The following DACH2 variants were observed in gnomAD, a reference collection of about 807,000 sequenced individuals.
DACH2 encodes the protein dachshund family transcription factor 2.
DACH2 carries 17 observed loss-of-function variants against 35.8 expected under a neutral mutation model. The observed-to-expected ratio is 0.48, with a 90% CI of 0.33 to 0.71. The LOEUF (loss-of-function observed/expected upper bound fraction) is 0.71. DACH2 is among the 30% of genes least tolerant of loss of function. The probability of loss-of-function intolerance (pLI) is 0.02; values close to 1 mark genes in which losing one functional copy is unlikely to be tolerated. For synonymous variants in DACH2, 195 were observed against 177.3 expected, an observed-to-expected ratio of 1.10 and a Z score of -0.79; for missense variants, 469 against 472.7, an observed-to-expected ratio of 0.99 and a Z score of 0.07.
chrX:86,434,215 G>T (rs1216873148), intron 2 of DACH2, among the ~76,000 whole-genome samples: 1 of 110,944 alleles, frequency 9.0e-6, no homozygotes, highest in African/African-American at 3.3e-5. Context: ...TTTTTTGTTG[G>T]TACATAATTA....
chrX:86,399,207 T>A (rs1293665337), intron 2 of DACH2, among the ~76,000 whole-genome samples: 2 of 111,871 alleles, frequency 1.8e-5, no homozygotes, highest in Admixed American at 1.9e-4. Flanking sequence ...TTGCAACCCC[T>A]GCCTTTTTTT....
intron 1 of DACH2, among the ~76,000 whole-genome samples, chrX:86,281,632 T>C (rs2034031157): frequency 1.8e-5 from 2 of 110,720 alleles, no homozygotes; most frequent in Middle Eastern, 4.3e-3. Flanking sequence ...TTCAACATAA[T>C]ATTGGAAGAT....
At chrX:86,583,737 C>A in intron 3 of DACH2, among the ~76,000 whole-genome samples, 1 of 108,911 alleles carries the variant, frequency 9.2e-6, no homozygotes, top group Non-Finnish European at 1.9e-5. Flanking sequence ...AATAACCAGC[C>A]TTGCATCTCA....
At chrX:86,171,425 G>A (rs1297943960) in intron 1 of DACH2, among the ~76,000 whole-genome samples, 4 of 107,701 alleles carry the variant, frequency 3.7e-5, no homozygotes, top group African/African-American at 1.4e-4. Context: ...ACTTGCCTAA[G>A]TGTTGCAGTC....
chrX:86,440,992 G>A (rs754040460), intron 2 of DACH2, among the ~76,000 whole-genome samples: 10 of 110,109 alleles, frequency 9.1e-5, no homozygotes, highest in Non-Finnish European at 1.7e-4. Context: ...CTCCTCCCTC[G>A]CACCATTTCC....
chrX:86,169,412 A>G (rs2031051377), intron 1 of DACH2, among the ~76,000 whole-genome samples: 1 of 111,123 alleles, frequency 9.0e-6, no homozygotes. Context: ...ACATTCTTGT[A>G]CTTGTATATT....
intron 7 of DACH2, among the ~76,000 whole-genome samples, chrX:86,809,689 C>A (rs192515901): frequency 2.2e-4 from 24 of 111,376 alleles, no homozygotes; most frequent in Admixed American, 2.1e-3. Flanking sequence ...AATCCTTCTT[C>A]TTTATGGCCC....
intron 5 of DACH2, among the ~76,000 whole-genome samples, chrX:86,695,546 T>C (rs1165643234): frequency 9.3e-6 from 1 of 107,975 alleles, no homozygotes; most frequent in Non-Finnish European, 1.9e-5. Flanking sequence ...GTTTTGCTCT[T>C]GTTGCCCAGG....
chrX:86,560,445 CT>C (rs1322745977), intron 3 of DACH2, among the ~76,000 whole-genome samples: 1 of 101,060 alleles, frequency 9.9e-6, no homozygotes, highest in Non-Finnish European at 2.0e-5. Context: ...TGAGGAGTAT[CT>C]TTGTGGCGTT....
rs147183528 is a variant in DACH2, at chrX:86,148,830, G to C, written c.210G>C (p.Met70Ile). The change falls in exon 1 of 12, where the codon ATG becomes ATC. Residue 70 changes from methionine (M) to isoleucine (I), a missense_variant. Physicochemically the swap from Met to Ile is conservative, Grantham distance 10. Coordinates refer to ENST00000373125, the MANE Select transcript of DACH2 (RefSeq NM_053281.3). ...ACACCAACACCAACGAGTGCCGCATGGTCGACATGCACGGGATGAAGGTGG... is the reference window on the plus strand; with the variant it reads ...ACACCAACACCAACGAGTGCCGCATCGTCGACATGCACGGGATGAAGGTGG... The part of the protein sequence containing the change: ...RGNTNTNECR[M>I]VDMHGMKVAS... The C allele has an allele frequency of 3.3e-6, 4 of 1,209,736 alleles. No homozygotes were observed. In the African/African-American group the frequency reaches 7.0e-5, roughly 21 times the overall value.
At chrX:86,645,569 T>C (rs2040405546) in intron 3 of DACH2, among the ~76,000 whole-genome samples, 1 of 110,639 alleles carries the variant, frequency 9.0e-6, no homozygotes, top group African/African-American at 3.3e-5. Flanking sequence ...CAGAAGAATA[T>C]AAAGCATTCT....
chrX:86,298,599 T>A (rs189932627), intron 1 of DACH2, among the ~76,000 whole-genome samples: 3 of 111,947 alleles, frequency 2.7e-5, no homozygotes, highest in South Asian at 7.4e-4. Context: ...CAAGGAGTAG[T>A]ACTATTTCAA....
chrX:86,795,556 A>G lies in DACH2; in HGVS notation c.1241-17300A>G, dbSNP rs574114338. 3.6e-5 allele frequency among the ~76,000 whole-genome samples: 4 copies of G among 112,583 alleles called. No homozygotes were observed. In the East Asian group the frequency reaches 1.1e-3, roughly 32 times the overall value. On this transcript the variant is annotated intron_variant, in intron 7 of 11. Transcript: ENST00000373125. Reference sequence around the variant, plus strand: ...CCGCATGTTCCTTAAGGTTATCCAAAGCAAACATGAAGGCAGATTCAGAAC... The same window carrying G: ...CCGCATGTTCCTTAAGGTTATCCAAGGCAAACATGAAGGCAGATTCAGAAC...
At chrX:86,326,508 CACACAT>C (rs1179103555) in intron 1 of DACH2, among the ~76,000 whole-genome samples, 4 of 91,136 alleles carry the variant, frequency 4.4e-5, no homozygotes, top group East Asian at 3.9e-4. Context: ...CACACACACA[CACACAT>C]ATATATATAT....
intron 2 of DACH2, among the ~76,000 whole-genome samples, chrX:86,494,987 A>G (rs2038146401): frequency 8.9e-6 from 1 of 112,270 alleles, no homozygotes; most frequent in African/African-American, 3.2e-5. Flanking sequence ...TAGCCAAAAT[A>G]TCATTGCAAA....
At chrX:86,507,602 G>A (rs1375593952) in intron 2 of DACH2, among the ~76,000 whole-genome samples, 1 of 111,181 alleles carries the variant, frequency 9.0e-6, no homozygotes, top group Non-Finnish European at 1.9e-5. Flanking sequence ...CAAATACTAC[G>A]GTTAGCATGT....
chrX:86,537,553 A>C (rs1200755217), intron 3 of DACH2, among the ~76,000 whole-genome samples: 6 of 111,750 alleles, frequency 5.4e-5, no homozygotes, highest in Non-Finnish European at 1.1e-4. Context: ...CTAATCAATA[A>C]ATTCTGTTTC....
At chrX:86,424,665 C>A (rs1399849042) in intron 2 of DACH2, among the ~76,000 whole-genome samples, 3 of 111,197 alleles carry the variant, frequency 2.7e-5, no homozygotes, top group Non-Finnish European at 5.7e-5. Flanking sequence ...TTTTGATGCC[C>A]TTTATATCTT....
At chrX:86,623,306 G>A (rs896038430) in intron 3 of DACH2, among the ~76,000 whole-genome samples, 1 of 112,654 alleles carries the variant, frequency 8.9e-6, no homozygotes, top group African/African-American at 3.2e-5. Flanking sequence ...GGGAATTAAA[G>A]AAAATATTTG....
Sources: gnomAD v4.1 joint callset for allele counts (sites outside exome capture counted in the v4.1 genomes callset) on GRCh38, gnomAD v4.1.1 for gene constraint, MANE v1.5 for transcripts, NCBI Gene and HGNC (gene_info 2026-07-23, HGNC 2026-07-21) for gene names.